Variants in EZH2 observed in about 807,000 individuals in gnomAD.
EZH2 encodes enhancer of zeste 2 polycomb repressive complex 2 subunit.
A neutral mutation model predicts 98.4 loss-of-function variants in EZH2; 18 were observed. That is an observed-to-expected ratio of 0.18 (90% CI 0.13 to 0.27). The LOEUF (loss-of-function observed/expected upper bound fraction) is 0.27. EZH2 is among the 10% of genes least tolerant of loss of function. EZH2 has a pLI of 1.00. For synonymous variants in EZH2, 338 were observed against 312.3 expected, an observed-to-expected ratio of 1.08 and a Z score of -0.87; for missense variants, 470 against 935.1, an observed-to-expected ratio of 0.50 and a Z score of 6.49.
At chr7:148,863,773 T>C (rs1818046960) in intron 1 of EZH2, among the ~76,000 whole-genome samples, 1 of 152,226 alleles carries the variant, frequency 6.6e-6, no homozygotes, top group African/African-American at 2.4e-5. Context: ...GAAACTTCTG[T>C]TGAAGGACTT....
At chr7:148,881,020 G>A (rs1013668291) in intron 1 of EZH2, among the ~76,000 whole-genome samples, 4 of 152,176 alleles carry the variant, frequency 2.6e-5, no homozygotes, top group African/African-American at 4.8e-5. Context: ...ATCTGACCAT[G>A]AACCTTTCTC....
intron 11 of EZH2, 98 bp from the exon 12 acceptor site, chr7:148,816,876 G>A: frequency 2.4e-6 from 2 of 841,684 alleles, no homozygotes; most frequent in Non-Finnish European, 4.0e-6. Flanking sequence ...TGTCTCTTCT[G>A]TGACACTGCT....
intron 3 of EZH2, among the ~76,000 whole-genome samples, chr7:148,837,762 A>G (rs1314710295): frequency 3.3e-5 from 5 of 152,126 alleles, no homozygotes; most frequent in Admixed American, 3.3e-4. Flanking sequence ...GGAAGAAAAA[A>G]CCCCATTAAG....
At chr7:148,881,310 A>T (rs1820920238) in intron 1 of EZH2, among the ~76,000 whole-genome samples, 1 of 152,254 alleles carries the variant, frequency 6.6e-6, no homozygotes, top group Non-Finnish European at 1.5e-5. Flanking sequence ...CCTCAAAAGA[A>T]GGAAGGTATC....
At chr7:148,808,701 A>T (rs1185157970) in intron 19 of EZH2, among the ~76,000 whole-genome samples, 1 of 152,190 alleles carries the variant, frequency 6.6e-6, no homozygotes, top group African/African-American at 2.4e-5. Flanking sequence ...GTATATTGTC[A>T]AGTAAAACCA....
At chr7:148,823,975 TC>T (rs1328670013) in intron 8 of EZH2, among the ~76,000 whole-genome samples, 3 of 152,012 alleles carry the variant, frequency 2.0e-5, no homozygotes, top group Non-Finnish European at 4.4e-5. Flanking sequence ...TACTACCGTA[TC>T]CCCAAGATAA....
chr7:148,817,025 G>C (rs1584931406), intron 11 of EZH2, 197 bp downstream of exon 11: 2 of 617,058 alleles, frequency 3.2e-6, no homozygotes, highest in Middle Eastern at 4.4e-4. Context: ...AACCTTAAAA[G>C]TCTACATTGG....
intron 8 of EZH2, 110 bp from the exon 9 acceptor site, chr7:148,819,797 G>A: frequency 1.1e-6 from 1 of 904,676 alleles, no homozygotes; most frequent in Non-Finnish European, 1.7e-6. Flanking sequence ...TTGCTAATAT[G>A]TGGTTTACGT....
Position 148,819,680 on chromosome 7 carries a change from A to G in EZH2, c.915T>C (p.His305=). 1.9e-6 allele frequency: 3 copies of G among 1,613,948 alleles called. No individual in the cohort carries two copies. Among genetic ancestry groups the G allele is most frequent in the East Asian group, 2.2e-5 (1 of 44,882 alleles). Residue 305 remains histidine (H), a synonymous_variant, in exon 9 of 20, where the codon CAT becomes CAC. Coordinates refer to ENST00000320356, the MANE Select transcript of EZH2 (RefSeq NM_004456.5). The part of the protein sequence containing the change: ...FLHRKCNYSF[H]ATPNTYKRKN... ...TCCGCTTATAAGTGTTGGGTGTTGC[A>G]TGAAAAGCTGCAAAATAAATGAAAC...
At chr7:148,835,005 C>G (rs1191175143) in intron 3 of EZH2, among the ~76,000 whole-genome samples, 1 of 152,166 alleles carries the variant, frequency 6.6e-6, no homozygotes, top group Non-Finnish European at 1.5e-5. Flanking sequence ...AGGATTAAAA[C>G]CTGGATTTAA....
At chr7:148,808,235 C>T (rs1802043603) in intron 19 of EZH2, among the ~76,000 whole-genome samples, 1 of 152,216 alleles carries the variant, frequency 6.6e-6, no homozygotes, top group African/African-American at 2.4e-5. Context: ...AAGCTCCACC[C>T]CACACTCTTC....
intron 13 of EZH2, 64 bp from the exon 14 acceptor site, chr7:148,815,103 T>G: frequency 6.4e-7 from 1 of 1,568,796 alleles, no homozygotes; most frequent in Non-Finnish European, 8.7e-7. Flanking sequence ...CATACACAAT[T>G]AACACGAGTA....
Position 148,873,663 on chromosome 7 carries a change from A to G in EZH2, c.-8+10501T>C, listed in dbSNP as rs1190799400. On this transcript the variant is annotated intron_variant, in intron 1 of 19. Transcript: ENST00000320356. ...TTAAAATTTTACAGTAATCAATATC[A>G]TAACAGCAGCTAACAGTACACTGGG... Among the ~76,000 whole-genome samples, 7 of 149,674 alleles carry G rather than the reference A, an allele frequency of 4.7e-5. No individual in the cohort carries two copies. The Admixed American group carries it at 4.7e-4, about 10-fold the overall frequency.
At chr7:148,845,233 T>C (rs1469499278) in intron 3 of EZH2, among the ~76,000 whole-genome samples, 1 of 152,152 alleles carries the variant, frequency 6.6e-6, no homozygotes, top group Non-Finnish European at 1.5e-5. Context: ...GGTCACCAAA[T>C]AAAAACTTTC....
rs1257937151 is a variant in EZH2 at position 148,863,555 on chromosome 7, G to A, written c.-7-16250C>T. On this transcript the variant is annotated intron_variant, in intron 1 of 19. Transcript: ENST00000320356. ...GATCCTCCTGCAACCCTAAGACAAC[G>A]CCATCCTACCAACCATCTCCCTAAA... Among the ~76,000 whole-genome samples, 4 of 152,012 alleles carry A rather than the reference G, an allele frequency of 2.6e-5. No individual in the cohort carries two copies. In the East Asian group the frequency reaches 5.8e-4, roughly 22 times the overall value.
chr7:148,809,469 C>T, intron 17 of EZH2, 79 bp from the exon 18 acceptor site: 1 of 1,116,768 alleles, frequency 9.0e-7, no homozygotes, highest in Non-Finnish European at 1.3e-6. Flanking sequence ...TTTGTAAATG[C>T]AACTGGTTAC....
intron 1 of EZH2, among the ~76,000 whole-genome samples, chr7:148,883,786 C>A (rs969086748): frequency 6.6e-6 from 1 of 151,812 alleles, no homozygotes; most frequent in Non-Finnish European, 1.5e-5. Flanking sequence ...CCGCGCCACA[C>A]AAAGGAGACT....
intron 14 of EZH2, among the ~76,000 whole-genome samples, chr7:148,814,349 TTTTCA>T (rs535069875): frequency 6.6e-4 from 100 of 152,258 alleles, no homozygotes; most frequent in African/African-American, 2.2e-3. Flanking sequence ...GTTTTTCCAT[TTTTCA>T]TTTGTTAAAT....
chr7:148,826,703 G>T, intron 7 of EZH2, 71 bp from the exon 8 acceptor site: 1 of 1,273,922 alleles, frequency 7.8e-7, no homozygotes, highest in African/African-American at 1.5e-5. Flanking sequence ...GTTTCTAAAA[G>T]GTTTCCATGT....
Sources: gnomAD v4.1 joint callset for allele counts (sites outside exome capture counted in the v4.1 genomes callset) on GRCh38, gnomAD v4.1.1 for gene constraint, MANE v1.5 for transcripts, NCBI Gene and HGNC (gene_info 2026-07-23, HGNC 2026-07-21) for gene names.